The following OPCML variants were observed in gnomAD, a reference collection of about 807,000 sequenced individuals.
OPCML encodes opioid-binding protein/cell adhesion molecule.
A neutral mutation model predicts 37.8 loss-of-function variants in OPCML; 13 were observed. The observed-to-expected ratio is 0.34, with a 90% CI of 0.22 to 0.55. OPCML has a LOEUF of 0.55. Ranked by LOEUF, OPCML falls within the 20% of genes least tolerant of loss-of-function variation. The pLI is 0.91. For synonymous variants in OPCML, 176 were observed against 168.8 expected, an observed-to-expected ratio of 1.04 and a Z score of -0.33; for missense variants, 341 against 435.6, an observed-to-expected ratio of 0.78 and a Z score of 1.93.
At chr11:133,223,162 T>G (rs1020500815) in intron 1 of OPCML, among the ~76,000 whole-genome samples, 4 of 152,186 alleles carry the variant, frequency 2.6e-5, no homozygotes, top group Non-Finnish European at 5.9e-5. Flanking sequence ...AATTACCCAA[T>G]GTCCATTTAG....
intron 1 of OPCML, among the ~76,000 whole-genome samples, chr11:133,470,189 T>C (rs768195067): frequency 2.6e-5 from 4 of 152,098 alleles, no homozygotes; most frequent in Non-Finnish European, 5.9e-5. Flanking sequence ...TCCACGAAAC[T>C]AGAGATTATT....
chr11:132,553,998 G>A (rs962059493), intron 3 of OPCML, among the ~76,000 whole-genome samples: 3 of 152,192 alleles, frequency 2.0e-5, no homozygotes, highest in African/African-American at 7.2e-5. Context: ...CAGGAGTGAT[G>A]AGGAGCTGGC....
At chr11:132,997,169 G>T (rs1946903377) in intron 1 of OPCML, among the ~76,000 whole-genome samples, 1 of 152,176 alleles carries the variant, frequency 6.6e-6, no homozygotes, top group Non-Finnish European at 1.5e-5. Context: ...GGACCTGGGA[G>T]ATAGCCATCA....
At chr11:133,138,824 C>T (rs912100895) in intron 1 of OPCML, among the ~76,000 whole-genome samples, 7 of 152,108 alleles carry the variant, frequency 4.6e-5, no homozygotes, top group Non-Finnish European at 1.0e-4. Context: ...ATAGAGATGC[C>T]TACATAATGA....
chr11:132,742,148 C>A (rs934493618), intron 2 of OPCML, among the ~76,000 whole-genome samples: 1 of 152,138 alleles, frequency 6.6e-6, no homozygotes, highest in African/African-American at 2.4e-5. Flanking sequence ...CAGTCAGTGA[C>A]GTAACCGCAG....
chr11:132,850,647 T>C (rs1941769534), intron 2 of OPCML, among the ~76,000 whole-genome samples: 1 of 152,148 alleles, frequency 6.6e-6, no homozygotes, highest in African/African-American at 2.4e-5. Flanking sequence ...GGTTATTTTT[T>C]GAGGAGTCAG....
chr11:133,371,601 A>G (rs1214292616), intron 1 of OPCML, among the ~76,000 whole-genome samples: 1 of 152,106 alleles, frequency 6.6e-6, no homozygotes, highest in Non-Finnish European at 1.5e-5. Flanking sequence ...GCTCTCCTCT[A>G]TCCTCTCTCC....
intron 2 of OPCML, among the ~76,000 whole-genome samples, chr11:132,810,593 A>G (rs1591640860): frequency 6.6e-6 from 1 of 152,192 alleles, no homozygotes; most frequent in Non-Finnish European, 1.5e-5. Context: ...CAGGAGGCTG[A>G]GGCAGGAGAA....
chr11:132,672,992 CTCT>C (rs1942543429), intron 2 of OPCML, among the ~76,000 whole-genome samples: 1 of 151,794 alleles, frequency 6.6e-6, no homozygotes, highest in African/African-American at 2.4e-5. Context: ...AGAGACTTTG[CTCT>C]TCTTAGGCCT....
chr11:133,490,425 G>A (rs769554253), intron 1 of OPCML, among the ~76,000 whole-genome samples: 4 of 152,136 alleles, frequency 2.6e-5, no homozygotes, highest in Non-Finnish European at 4.4e-5. Flanking sequence ...TATTCTGTAA[G>A]ACATAAATTG....
intron 1 of OPCML, among the ~76,000 whole-genome samples, chr11:133,285,632 A>T (rs1468901436): frequency 6.6e-6 from 1 of 152,192 alleles, no homozygotes. Context: ...ATTAACTGTG[A>T]CCCATTTCTG....
intron 2 of OPCML, among the ~76,000 whole-genome samples, chr11:132,888,914 T>A (rs1294556731): frequency 6.6e-6 from 1 of 151,334 alleles, no homozygotes; most frequent in Non-Finnish European, 1.5e-5. Flanking sequence ...GAACATTAAA[T>A]CATGTCAGAA....
intron 1 of OPCML, among the ~76,000 whole-genome samples, chr11:133,150,149 G>A (rs1949957377): frequency 6.6e-6 from 1 of 152,224 alleles, no homozygotes; most frequent in Non-Finnish European, 1.5e-5. Context: ...TGTTTTCTGT[G>A]TCTTTATTCT....
chr11:132,700,642 G>A (rs545176565), intron 2 of OPCML, among the ~76,000 whole-genome samples: 1 of 152,286 alleles, frequency 6.6e-6, no homozygotes, highest in East Asian at 1.9e-4. Context: ...GTGGTCAGAA[G>A]AGGAACTTGA....
intron 1 of OPCML, among the ~76,000 whole-genome samples, chr11:133,325,137 T>C (rs1049127820): frequency 6.6e-6 from 1 of 152,218 alleles, no homozygotes; most frequent in Non-Finnish European, 1.5e-5. Flanking sequence ...CTGAGCCACG[T>C]CACTAGACTC....
At chr11:133,019,878 C>T (rs1214048000) in intron 1 of OPCML, among the ~76,000 whole-genome samples, 1 of 152,184 alleles carries the variant, frequency 6.6e-6, no homozygotes, top group Non-Finnish European at 1.5e-5. Flanking sequence ...CCCAGGCCCA[C>T]GTACCAGCTG....
At chr11:133,472,692 T>C (rs1027849783) in intron 1 of OPCML, among the ~76,000 whole-genome samples, 4 of 152,032 alleles carry the variant, frequency 2.6e-5, no homozygotes, top group African/African-American at 9.7e-5. Flanking sequence ...CAATTATGTT[T>C]TGTCTTCCTA....
At chr11:132,769,339 G>A (rs1306768417) in intron 2 of OPCML, among the ~76,000 whole-genome samples, 3 of 150,776 alleles carry the variant, frequency 2.0e-5, no homozygotes, top group Admixed American at 6.7e-5. Flanking sequence ...CCAGGTTCAC[G>A]CCATTCTCCT....
intron 3 of OPCML, among the ~76,000 whole-genome samples, chr11:132,635,425 T>A (rs1054109113): frequency 6.6e-6 from 1 of 151,960 alleles, no homozygotes; most frequent in African/African-American, 2.4e-5. Context: ...ATGGCTTATA[T>A]GAAAGGTCCT....
Sources: allele counts gnomAD v4.1 joint callset (sites outside exome capture counted in the v4.1 genomes callset), GRCh38; gene constraint gnomAD v4.1.1; transcripts MANE v1.5; gene names NCBI Gene and HGNC (gene_info 2026-07-23, HGNC 2026-07-21).